ZC3H13: variants seen among roughly 807,000 people sequenced by gnomAD.
ZC3H13 encodes zinc finger CCCH domain-containing protein 13.
Under a neutral mutation model 204.1 loss-of-function variants are expected in ZC3H13, and 64 were observed. The observed-to-expected ratio is 0.31, with a 90% CI of 0.26 to 0.39. The LOEUF (loss-of-function observed/expected upper bound fraction) is 0.39. Among genes scored for constraint, ZC3H13 ranks in the 10% least tolerant of loss-of-function variants. The probability of loss-of-function intolerance (pLI) is 1.00; values close to 1 mark genes in which losing one functional copy is unlikely to be tolerated. For missense variants in ZC3H13, 1,833 were observed against 2,082.7 expected (o/e 0.88, Z 2.33); for synonymous variants, 667 against 693.7 (o/e 0.96, Z 0.60).
chr13:46,030,439 C>A (rs2042823050), intron 4 of ZC3H13, among the ~76,000 whole-genome samples: 1 of 152,084 alleles, frequency 6.6e-6, no homozygotes, highest in African/African-American at 2.4e-5. Flanking sequence ...AAAGTGTCTG[C>A]AAAAGACATG....
At chr13:46,033,096 T>G (rs556363730) in intron 4 of ZC3H13, among the ~76,000 whole-genome samples, 95 of 152,208 alleles carry the variant, frequency 6.2e-4, no homozygotes, top group Non-Finnish European at 9.4e-4. Context: ...TAAAGACTTT[T>G]CTGAATGTAA....
intron 8 of ZC3H13, among the ~76,000 whole-genome samples, chr13:45,998,073 C>T (rs1173216140): frequency 6.6e-6 from 1 of 152,072 alleles, no homozygotes; most frequent in Non-Finnish European, 1.5e-5. Context: ...ACTAATACGC[C>T]CATTATGACA....
Position 46,010,330 on chromosome 13 carries a change from AT to A in ZC3H13, c.746+17del, listed in dbSNP as rs777296318. ...CAGAAAAAGCTATTTTCTCGATACT[AT>A]TTATCACCCTACTGACCTCTGCTGG... is the stretch of plus-strand genomic sequence containing the variant. On this transcript the variant is annotated intron_variant, in intron 7 of 18. Transcript: ENST00000679008. 7.7e-6 allele frequency: 12 copies of A among 1,566,838 alleles called. No homozygotes were observed. Among genetic ancestry groups the A allele is most frequent in the African/African-American group, 1.4e-5 (1 of 74,068 alleles).
In ZC3H13 at chr13:45,968,035, T is replaced by C; in HGVS notation, c.3797-7A>G. ...CTTCTTGAATCCTGGCGATCTAAAA[T>C]AAATATACCATATATAAAGAGTTAT... is the stretch of plus-strand genomic sequence containing the variant. On this transcript the variant is annotated splice_region_variant and splice_polypyrimidine_tract_variant and intron_variant, in intron 14 of 18. Transcript: ENST00000679008. 1 of 1,567,838 alleles carries C rather than the reference T, an allele frequency of 6.4e-7. No individual in the cohort carries two copies. Among genetic ancestry groups the C allele is most frequent in the Non-Finnish European group, 8.6e-7 (1 of 1,162,540 alleles).
chr13:46,047,481 G>C (rs957499998), intron 1 of ZC3H13, among the ~76,000 whole-genome samples: 5 of 152,104 alleles, frequency 3.3e-5, no homozygotes, highest in African/African-American at 1.2e-4. Context: ...CTACATACTG[G>C]TGTTAGCATT....
intron 12 of ZC3H13, among the ~76,000 whole-genome samples, chr13:45,970,695 A>C (rs1313472655): frequency 1.3e-5 from 2 of 152,184 alleles, no homozygotes; most frequent in African/African-American, 4.8e-5. Flanking sequence ...CTTCTTCATT[A>C]TACATGTAGA....
At chr13:45,979,164 A>T (rs1566191078) in intron 11 of ZC3H13, among the ~76,000 whole-genome samples, 1 of 152,150 alleles carries the variant, frequency 6.6e-6, no homozygotes, top group Non-Finnish European at 1.5e-5. Flanking sequence ...TAATAAGTAC[A>T]GAAATAAAAG....
In ZC3H13 at chr13:46,045,033, T is replaced by C. The variant is rs757513218; in HGVS notation, c.149A>G (p.Asn50Ser). The C allele has an allele frequency of 5.0e-6, 8 of 1,613,540 alleles. 1 individual carries two copies. The highest frequency in any genetic ancestry group is 3.3e-4 in the Middle Eastern group (2 of 6,082). Residue 50 changes from asparagine (N) to serine (S), a missense_variant, in exon 3 of 19, where the codon AAC becomes AGC. Coordinates refer to ENST00000679008, the MANE Select transcript of ZC3H13 (RefSeq NM_001330564.2). Reference protein sequence around the residue: ...TQCRNWLKTGNCLYGNTCRFV... With the variant: ...TQCRNWLKTGSCLYGNTCRFV... ...TCTACATGTGTTTCCATAGAGGCAG[T>C]TGCCAGTCTTCAGCCAGTTACGGCA...
Position 46,010,353 on chromosome 13 carries a change from C to G in ZC3H13, c.741G>C (p.Gln247His). The G allele has an allele frequency of 6.2e-7, 1 of 1,611,066 alleles. No individual in the cohort carries two copies. The highest frequency in any genetic ancestry group is 8.5e-7 in the Non-Finnish European group (1 of 1,177,676). The change falls in exon 7 of 19, where the codon CAG becomes CAC. Residue 247 changes from glutamine to histidine, a missense_variant. Gln to His is a conservative substitution (Grantham distance 24, BLOSUM62 0). Transcript: ENST00000679008. ...TSAVSSPLLD[Q>H]QRNSKTNQSK... ...CTATTTATCACCCTACTGACCTCTG[C>G]TGGTCCAACAGGGGAGAAGATACTG...
At chr13:45,968,451 G>T (rs1472898506) in intron 14 of ZC3H13, among the ~76,000 whole-genome samples, 1 of 152,056 alleles carries the variant, frequency 6.6e-6, no homozygotes, top group Non-Finnish European at 1.5e-5. Flanking sequence ...TAGCAGGAAG[G>T]TTAAAATCAT....
At position 45,957,059 on chromosome 13, in the gene ZC3H13, G is replaced by T. The variant is rs1951311589; in HGVS notation, c.*68C>A. The T allele has an allele frequency of 7.9e-7, 1 of 1,268,820 alleles. No individual in the cohort carries two copies. The highest frequency in any genetic ancestry group is 2.9e-5 in the South Asian group (1 of 34,394). The allele number at this position is 1,268,820 out of a possible 1,614,324, so 78.6% of individuals were successfully genotyped here. A position where few individuals can be genotyped will look rare whatever the true frequency, so the allele number is the denominator to read the frequency against. ...TGTCACTAATGCTTGTCAAACCAAAGAACTTTGCAAAAGAATATGCACTGC... is the reference window on the plus strand; with the variant it reads ...TGTCACTAATGCTTGTCAAACCAAATAACTTTGCAAAAGAATATGCACTGC... On this transcript the variant is annotated 3_prime_UTR_variant, in exon 19 of 19. Transcript: ENST00000679008.
At chr13:45,963,806 A>C (rs1214062501) in intron 17 of ZC3H13, 36 bp downstream of exon 17, 1 of 1,612,648 alleles carries the variant, frequency 6.2e-7, no homozygotes, top group East Asian at 2.2e-5. Context: ...TTAAATGGTT[A>C]ACAGACATTA....
intron 8 of ZC3H13, among the ~76,000 whole-genome samples, chr13:45,993,462 T>G (rs1373791464): frequency 6.6e-6 from 1 of 152,134 alleles, no homozygotes. Flanking sequence ...GGAGGGATCT[T>G]GATGTATAAG....
At position 45,956,663 on chromosome 13, in the gene ZC3H13, G is replaced by A. The variant is rs1416540717; in HGVS notation, c.*464C>T. Reference sequence around the variant, plus strand: ...ATTCGCCTATAAACATACCACGCCAGCTAGACCAGCATTCCCTTTCACGTG... The same window carrying A: ...ATTCGCCTATAAACATACCACGCCAACTAGACCAGCATTCCCTTTCACGTG... On this transcript the variant is annotated 3_prime_UTR_variant, in exon 19 of 19. Coordinates refer to ENST00000679008, the MANE Select transcript of ZC3H13 (RefSeq NM_001330564.2). 1 of 152,236 alleles carries A rather than the reference G, an allele frequency of 6.6e-6. No individual in the cohort carries two copies. The highest frequency in any genetic ancestry group is 2.1e-4 in the South Asian group (1 of 4,832). 9.4% of individuals were successfully genotyped at this position (152,236 alleles called of 1,614,324 possible). A position where few individuals can be genotyped will look rare whatever the true frequency, so the allele number is the denominator to read the frequency against.
intron 10 of ZC3H13, among the ~76,000 whole-genome samples, chr13:45,984,986 A>ATT: frequency 6.6e-6 from 1 of 152,300 alleles, no homozygotes; most frequent in South Asian, 2.1e-4. Context: ...ATTTATACCT[A>ATT]TTTAACAGAA....
chr13:45,998,948 A>G (rs908269154), intron 8 of ZC3H13, among the ~76,000 whole-genome samples: 1 of 152,212 alleles, frequency 6.6e-6, no homozygotes, highest in Non-Finnish European at 1.5e-5. Flanking sequence ...AGAATTTTCA[A>G]AACTGCAGTC....
At chr13:45,972,523 A>C (rs1219046310) in intron 12 of ZC3H13, among the ~76,000 whole-genome samples, 1 of 152,174 alleles carries the variant, frequency 6.6e-6, no homozygotes, top group African/African-American at 2.4e-5. Flanking sequence ...AGGTGCACTA[A>C]AATCTCTGAA....
At position 45,979,674 on chromosome 13, in the gene ZC3H13, T is replaced by C. The variant is rs183779465; in HGVS notation, c.1912+139A>G. The C allele has an allele frequency of 6.3e-6, 5 of 788,960 alleles. No individual in the cohort carries two copies. In the East Asian group the frequency reaches 1.5e-4, roughly 24 times the overall value. 48.9% of individuals were successfully genotyped at this position (788,960 alleles called of 1,614,324 possible). Reference sequence around the variant, plus strand: ...CATGTGAACAAAGATTATATGAGTATATATAATAGTTTCAAATGTGTCATC... The same window carrying C: ...CATGTGAACAAAGATTATATGAGTACATATAATAGTTTCAAATGTGTCATC... On this transcript the variant is annotated intron_variant, in intron 11 of 18. Coordinates refer to ENST00000679008, the MANE Select transcript of ZC3H13 (RefSeq NM_001330564.2).
chr13:46,022,767 C>T (rs892153885), intron 4 of ZC3H13, among the ~76,000 whole-genome samples: 81 of 151,274 alleles, frequency 5.4e-4, no homozygotes, highest in Admixed American at 3.2e-3. Flanking sequence ...ACTACTGTTC[C>T]AGTGGAGTCT....
Sources: allele counts gnomAD v4.1 joint callset (sites outside exome capture counted in the v4.1 genomes callset), GRCh38; gene constraint gnomAD v4.1.1; transcripts MANE v1.5; gene names NCBI Gene and HGNC (gene_info 2026-07-23, HGNC 2026-07-21).